TNFSF4: variants seen among roughly 807,000 people sequenced by gnomAD.
The protein encoded by TNFSF4 is tumor necrosis factor ligand superfamily member 4.
A neutral mutation model predicts 7.3 loss-of-function variants in TNFSF4; 4 were observed. That is an observed-to-expected ratio of 0.55 (90% CI 0.27 to 1.25). The LOEUF (loss-of-function observed/expected upper bound fraction) is 1.25, where lower values mean the gene tolerates loss of function less well. Among genes scored for constraint, TNFSF4 ranks in the 50% most tolerant of loss-of-function variants. The probability of loss-of-function intolerance (pLI) is 0.12; values close to 1 mark genes in which losing one functional copy is unlikely to be tolerated. For missense variants in TNFSF4, 181 were observed against 208.8 expected (o/e 0.87, Z 0.82); for synonymous variants, 76 against 83.7 (o/e 0.91, Z 0.50).
At chr1:173,180,638 G>A (rs565662084), downstream of TNFSF4, among the ~76,000 whole-genome samples, 68 of 152,182 alleles carry the variant, frequency 4.5e-4, no homozygotes, top group African/African-American at 1.6e-3. Flanking sequence ...AATGAGAATT[G>A]TTTATTACTT....
At chr1:173,342,177 A>G in the TNFSF4 span, among the ~76,000 whole-genome samples, 170 of 152,300 alleles carry the variant, frequency 1.1e-3, 1 homozygote, top group African/African-American at 4.0e-3. Context: ...CACAGATTCT[A>G]CAAGGAATCC....
the TNFSF4 span, among the ~76,000 whole-genome samples, chr1:173,214,090 G>A: frequency 6.6e-6 from 1 of 152,172 alleles, no homozygotes; most frequent in Non-Finnish European, 1.5e-5. Flanking sequence ...AATTGATTAG[G>A]AATGAGGCAA....
chr1:173,413,954 CAAGG>C, the TNFSF4 span, among the ~76,000 whole-genome samples: 2 of 152,162 alleles, frequency 1.3e-5, no homozygotes, highest in Non-Finnish European at 2.9e-5. Context: ...CATATGGTCA[CAAGG>C]AAGGTGTCTG....
chr1:173,332,409 A>T, the TNFSF4 span, among the ~76,000 whole-genome samples: 1 of 152,204 alleles, frequency 6.6e-6, no homozygotes, highest in Admixed American at 6.5e-5. Flanking sequence ...AAATGGATTG[A>T]ACATGTAGCT....
the TNFSF4 span, among the ~76,000 whole-genome samples, chr1:173,311,437 C>T: frequency 6.6e-6 from 1 of 152,010 alleles, no homozygotes. Context: ...GGAGGAGCCA[C>T]TACCCTAGGG....
chr1:173,197,084 C>T (rs1377200288), intron 1 of TNFSF4, among the ~76,000 whole-genome samples: 2 of 152,222 alleles, frequency 1.3e-5, no homozygotes, highest in African/African-American at 4.8e-5. Flanking sequence ...TAATATCTAA[C>T]ACTGGCTCTA....
chr1:173,229,501 A>G, the TNFSF4 span, among the ~76,000 whole-genome samples: 1 of 152,264 alleles, frequency 6.6e-6, no homozygotes, highest in Admixed American at 6.5e-5. Context: ...AAGACCATCG[A>G]TGCTAGGAAG....
the TNFSF4 span, among the ~76,000 whole-genome samples, chr1:173,233,383 G>C: frequency 5.9e-5 from 9 of 152,286 alleles, no homozygotes; most frequent in South Asian, 8.3e-4. Flanking sequence ...TGGGAGAATG[G>C]AACCAAGTTG....
In TNFSF4 at chr1:173,185,672, C is replaced by T. The variant is rs373992430; in HGVS notation, c.*844G>A. 3 of 152,160 alleles carry T rather than the reference C, an allele frequency of 2.0e-5. No individual in the cohort carries two copies. Among genetic ancestry groups the T allele is most frequent in the East Asian group, 1.9e-4 (1 of 5,198 alleles). The allele number at this position is 152,160 out of a possible 1,614,324, so 9.4% of individuals were successfully genotyped here. A position where few individuals can be genotyped will look rare whatever the true frequency, so the allele number is the denominator to read the frequency against. On this transcript the variant is annotated 3_prime_UTR_variant, in exon 3 of 3. Coordinates refer to ENST00000281834, the MANE Select transcript of TNFSF4 (RefSeq NM_003326.5). ...TTTTCCTCCCCAGGCTATTAAAATCCGTACTGACTTTTACCCTGAGATGTC... is the reference window on the plus strand; with the variant it reads ...TTTTCCTCCCCAGGCTATTAAAATCTGTACTGACTTTTACCCTGAGATGTC...
intron 2 of TNFSF4, 71 bp from the exon 3 acceptor site, chr1:173,186,936 A>T (rs1283938133): frequency 2.0e-6 from 2 of 1,010,610 alleles, no homozygotes; most frequent in Non-Finnish European, 2.9e-6. Flanking sequence ...CTTCCAATAC[A>T]TCTGGAATCA....
the TNFSF4 span, among the ~76,000 whole-genome samples, chr1:173,386,254 TG>T: frequency 6.6e-6 from 1 of 152,132 alleles, no homozygotes; most frequent in East Asian, 1.9e-4. Context: ...GTGGCTCAAG[TG>T]GGCCCAGAGG....
chr1:173,377,244 C>T, the TNFSF4 span, among the ~76,000 whole-genome samples: 5 of 152,300 alleles, frequency 3.3e-5, 1 homozygote, highest in South Asian at 1.0e-3. Context: ...CTATTCTGTC[C>T]TATTTTTCCT....
downstream of TNFSF4, among the ~76,000 whole-genome samples, chr1:173,180,083 G>A (rs578111197): frequency 9.0e-4 from 137 of 151,964 alleles, no homozygotes; most frequent in African/African-American, 3.2e-3. Flanking sequence ...CAAATTATAC[G>A]TGTTCACTGT....
the TNFSF4 span, among the ~76,000 whole-genome samples, chr1:173,319,420 G>A: frequency 1.8e-4 from 27 of 152,180 alleles, no homozygotes; most frequent in Middle Eastern, 3.2e-3. Context: ...CAGCTTCAGC[G>A]GATTTAATCT....
At chr1:173,179,791 T>A (rs1057507778), downstream of TNFSF4, among the ~76,000 whole-genome samples, 3 of 152,214 alleles carry the variant, frequency 2.0e-5, no homozygotes, top group African/African-American at 7.2e-5. Context: ...AGGAAAGCAC[T>A]GGCTAATACA....
At chr1:173,382,904 ACAC>A in the TNFSF4 span, among the ~76,000 whole-genome samples, 2 of 150,750 alleles carry the variant, frequency 1.3e-5, no homozygotes, top group Non-Finnish European at 3.0e-5. Flanking sequence ...ACACACACAC[ACAC>A]ACAAAGGTGC....
At chr1:173,256,138 A>G in the TNFSF4 span, among the ~76,000 whole-genome samples, 1 of 152,224 alleles carries the variant, frequency 6.6e-6, no homozygotes, top group Non-Finnish European at 1.5e-5. Flanking sequence ...GAGGGAGTTC[A>G]CAAACAAAAA....
At chr1:173,193,145 A>C (rs1185344445) in intron 1 of TNFSF4, among the ~76,000 whole-genome samples, 1 of 152,224 alleles carries the variant, frequency 6.6e-6, no homozygotes, top group African/African-American at 2.4e-5. Flanking sequence ...AAAGGTTGAC[A>C]GAAAACAATC....
chr1:173,226,279 G>A, the TNFSF4 span, among the ~76,000 whole-genome samples: 1 of 152,280 alleles, frequency 6.6e-6, no homozygotes, highest in Non-Finnish European at 1.5e-5. Flanking sequence ...TGGCAGTTGG[G>A]TATGGCCACA....
Sources: gnomAD v4.1 joint callset for allele counts (sites outside exome capture counted in the v4.1 genomes callset) on GRCh38, gnomAD v4.1.1 for gene constraint, MANE v1.5 for transcripts, NCBI Gene and HGNC (gene_info 2026-07-23, HGNC 2026-07-21) for gene names.